CDH18: variants seen among roughly 807,000 people sequenced by gnomAD.
The protein encoded by CDH18 is cadherin-18.
In CDH18, 31 loss-of-function variants were observed where a neutral mutation model predicts 67.9. The ratio of observed to expected loss-of-function variants is 0.46; its 90% CI spans 0.34 to 0.62. The LOEUF is 0.62. Among genes scored for constraint, CDH18 ranks in the 20% least tolerant of loss-of-function variants. CDH18 has a pLI of 0.01. For synonymous variants in CDH18, 362 were observed against 347.2 expected, an observed-to-expected ratio of 1.04 and a Z score of -0.48; for missense variants, 890 against 975.5, an observed-to-expected ratio of 0.91 and a Z score of 1.17.
At chr5:20,095,403 G>GAAAGAAAGAA (rs1423292923) in intron 2 of CDH18, among the ~76,000 whole-genome samples, 1 of 115,238 alleles carries the variant, frequency 8.7e-6, no homozygotes, top group Non-Finnish European at 1.8e-5. Context: ...AAGAAAGAAA[G>GAAAGAAAGAA]AAAGAAAGAA....
At chr5:20,319,770 G>A (rs1485248583) in intron 1 of CDH18, among the ~76,000 whole-genome samples, 4 of 152,058 alleles carry the variant, frequency 2.6e-5, no homozygotes, top group Admixed American at 6.6e-5. Flanking sequence ...CAATTTTATA[G>A]CAGAGAAACT....
At chr5:20,087,334 TA>T (rs998915264) in intron 2 of CDH18, among the ~76,000 whole-genome samples, 2 of 151,782 alleles carry the variant, frequency 1.3e-5, no homozygotes, top group Admixed American at 6.6e-5. Flanking sequence ...GTTTAAATAT[TA>T]AAAAAAAGAC....
At chr5:20,446,101 C>A (rs185027372) in intron 1 of CDH18, among the ~76,000 whole-genome samples, 1 of 152,052 alleles carries the variant, frequency 6.6e-6, no homozygotes, top group Non-Finnish European at 1.5e-5. Context: ...GGAGCAAAAT[C>A]GCAAGTAAAT....
intron 6 of CDH18, among the ~76,000 whole-genome samples, chr5:19,608,614 G>T (rs1748459398): frequency 1.3e-5 from 2 of 151,584 alleles, no homozygotes; most frequent in African/African-American, 4.8e-5. Context: ...TAACTTTATG[G>T]GAAATACTGC....
intron 3 of CDH18, among the ~76,000 whole-genome samples, chr5:19,830,811 T>G (rs1397433756): frequency 6.6e-6 from 1 of 152,104 alleles, no homozygotes; most frequent in Non-Finnish European, 1.5e-5. Flanking sequence ...GTATCCTGGA[T>G]AATGACCATG....
At chr5:19,954,050 G>A (rs1437437943) in intron 2 of CDH18, among the ~76,000 whole-genome samples, 1 of 151,938 alleles carries the variant, frequency 6.6e-6, no homozygotes, top group Non-Finnish European at 1.5e-5. Flanking sequence ...TACAGAAGTT[G>A]ATTCTACCAC....
intron 3 of CDH18, among the ~76,000 whole-genome samples, chr5:19,759,776 C>T (rs1772097789): frequency 6.6e-6 from 1 of 152,080 alleles, no homozygotes; most frequent in African/African-American, 2.4e-5. Flanking sequence ...AATATTCACT[C>T]CATAAATTGT....
rs966617028 is a variant in CDH18, at chr5:20,425,681, A to AT, written c.-580+149780dup. Reference sequence around the variant, plus strand: ...AATCTGGAGATTGGGCGCAGAGCTGATTTTTGCTATTCTTATTATAATTCC... The same window carrying AT: ...AATCTGGAGATTGGGCGCAGAGCTGATTTTTTGCTATTCTTATTATAATTCC... On this transcript the variant is annotated intron_variant, in intron 1 of 14. Transcript: ENST00000507958. Among the ~76,000 whole-genome samples, 18 of 151,092 alleles carry AT rather than the reference A, an allele frequency of 1.2e-4. No individual in the cohort carries two copies. The Middle Eastern group carries it at 0.01, about 86-fold the overall frequency.
intron 5 of CDH18, among the ~76,000 whole-genome samples, chr5:19,661,543 A>T (rs1221512098): frequency 6.6e-6 from 1 of 152,020 alleles, no homozygotes; most frequent in East Asian, 1.9e-4. Flanking sequence ...GCAAACAAAG[A>T]TAATTAGTAA....
chr5:20,052,399 T>C (rs1355216945), intron 2 of CDH18, among the ~76,000 whole-genome samples: 1 of 152,082 alleles, frequency 6.6e-6, no homozygotes, highest in Non-Finnish European at 1.5e-5. Context: ...ATACTATCAG[T>C]AATGGGTACT....
chr5:20,070,691 T>C (rs1298261111), intron 2 of CDH18, among the ~76,000 whole-genome samples: 1 of 152,196 alleles, frequency 6.6e-6, no homozygotes, highest in African/African-American at 2.4e-5. Context: ...TTCAGCAGAA[T>C]GAATAATTTG....
intron 3 of CDH18, among the ~76,000 whole-genome samples, chr5:19,750,628 T>C (rs1381016401): frequency 1.3e-5 from 2 of 152,080 alleles, no homozygotes; most frequent in Non-Finnish European, 2.9e-5. Context: ...AGTGACTCAG[T>C]AACCAGTTAA....
rs370496921 is a variant in CDH18, at chr5:19,861,386, G to A, written c.-256-22144C>T. ...CCAGGAGCCGGGAGGAGGCTAGGCT[G>A]GGTATACCAGAGGGGGCTGTGTAAG... On this transcript the variant is annotated intron_variant, in intron 2 of 12. Transcript: ENST00000382275. Among the ~76,000 whole-genome samples the A allele has an allele frequency of 2.6e-5, 4 of 152,222 alleles. No homozygotes were observed. In the South Asian group the frequency reaches 8.3e-4, roughly 32 times the overall value.
chr5:20,217,855 C>T (rs1168883917), intron 2 of CDH18, among the ~76,000 whole-genome samples: 4 of 151,642 alleles, frequency 2.6e-5, no homozygotes, highest in Non-Finnish European at 4.4e-5. Context: ...TAAAAGAGCA[C>T]GAGTTGCTCT....
intron 2 of CDH18, among the ~76,000 whole-genome samples, chr5:20,050,793 T>C (rs1452452707): frequency 1.3e-5 from 2 of 151,888 alleles, no homozygotes; most frequent in East Asian, 1.9e-4. Context: ...TTACTGATTC[T>C]AACCAAGAAA....
intron 2 of CDH18, among the ~76,000 whole-genome samples, chr5:20,222,195 T>C (rs1482238268): frequency 6.6e-6 from 1 of 152,122 alleles, no homozygotes; most frequent in Non-Finnish European, 1.5e-5. Flanking sequence ...AACAGGAACA[T>C]GAAAAGAATG....
chr5:20,225,359 T>G (rs1025144673), intron 2 of CDH18, among the ~76,000 whole-genome samples: 1 of 152,162 alleles, frequency 6.6e-6, no homozygotes, highest in East Asian at 1.9e-4. Context: ...AGACTTTTGA[T>G]GAATATTTGT....
chr5:20,004,162 G>C (rs1312899140), intron 2 of CDH18, among the ~76,000 whole-genome samples: 3 of 152,094 alleles, frequency 2.0e-5, no homozygotes, highest in Non-Finnish European at 1.5e-5. Flanking sequence ...GCAAGGCCAC[G>C]ACATGGTCTG....
At chr5:19,566,894 T>C (rs1310399921) in intron 8 of CDH18, among the ~76,000 whole-genome samples, 1 of 152,140 alleles carries the variant, frequency 6.6e-6, no homozygotes, top group African/African-American at 2.4e-5. Context: ...ATACAGTAAT[T>C]CAGCCATAAA....
Sources: gnomAD v4.1 joint callset for allele counts (sites outside exome capture counted in the v4.1 genomes callset) on GRCh38, gnomAD v4.1.1 for gene constraint, MANE v1.5 for transcripts, NCBI Gene and HGNC (gene_info 2026-07-23, HGNC 2026-07-21) for gene names.